Variants in KAZN observed in about 807,000 individuals in gnomAD.
KAZN encodes kazrin, periplakin interacting protein, also known as kazrin.
Under a neutral mutation model 87.4 loss-of-function variants are expected in KAZN, and 40 were observed. The ratio of observed to expected loss-of-function variants is 0.46; its 90% CI spans 0.36 to 0.60. KAZN has a LOEUF of 0.60. KAZN is among the 20% of genes least tolerant of loss of function. The pLI is 0.00. For synonymous variants in KAZN, 466 were observed against 458.3 expected (o/e 1.02, Z -0.22); for missense variants, 898 against 1,073.9 (o/e 0.84, Z 2.29).
At chr1:15,035,010 T>G in intron 3 of KAZN, 125 bp downstream of exon 3, 1 of 1,206,026 alleles carries the variant, frequency 8.3e-7, no homozygotes, top group South Asian at 1.4e-5. Context: ...GCCCTTGATG[T>G]GTCCAGCCAG....
chr1:13,973,946 A>G (rs1299040911), intron 1 of KAZN, among the ~76,000 whole-genome samples: 1 of 152,204 alleles, frequency 6.6e-6, no homozygotes, highest in Non-Finnish European at 1.5e-5. Context: ...AAGACTATGC[A>G]TATCGTCATA....
intron 1 of KAZN, among the ~76,000 whole-genome samples, chr1:14,801,828 C>T (rs1646037928): frequency 6.6e-6 from 1 of 150,976 alleles, no homozygotes; most frequent in Non-Finnish European, 1.5e-5. Flanking sequence ...GGACTACAGG[C>T]ACCCGCCATC....
chr1:14,585,322 A>G (rs1191542051), intron 2 of KAZN, among the ~76,000 whole-genome samples: 3 of 152,216 alleles, frequency 2.0e-5, no homozygotes, highest in African/African-American at 7.2e-5. Flanking sequence ...CTGTGCAACA[A>G]ACAGCCTCAG....
At chr1:13,911,766 TA>T (rs1348217130) in intron 1 of KAZN, among the ~76,000 whole-genome samples, 3 of 152,134 alleles carry the variant, frequency 2.0e-5, no homozygotes, top group Non-Finnish European at 4.4e-5. Context: ...AGTCCTTAAA[TA>T]AAAAATGTTA....
intron 2 of KAZN, among the ~76,000 whole-genome samples, chr1:14,522,434 A>C (rs1671635648): frequency 6.6e-6 from 1 of 152,172 alleles, no homozygotes; most frequent in South Asian, 2.1e-4. Flanking sequence ...TGCTCTCCTA[A>C]TTTGATCCTG....
At chr1:14,251,098 T>C (rs921618299) in intron 2 of KAZN, among the ~76,000 whole-genome samples, 1 of 152,178 alleles carries the variant, frequency 6.6e-6, no homozygotes, top group African/African-American at 2.4e-5. Flanking sequence ...AACTATGTAA[T>C]CTATGCTTGT....
intron 2 of KAZN, among the ~76,000 whole-genome samples, chr1:14,984,689 A>T (rs1666595295): frequency 6.6e-6 from 1 of 152,190 alleles, no homozygotes; most frequent in African/African-American, 2.4e-5. Context: ...GATGCCAGGC[A>T]TGAGGCAGTG....
At chr1:14,423,510 C>T (rs761267070) in intron 2 of KAZN, among the ~76,000 whole-genome samples, 2 of 152,120 alleles carry the variant, frequency 1.3e-5, no homozygotes, top group African/African-American at 4.8e-5. Flanking sequence ...CTATCCAGAA[C>T]CCAGCTTTTG....
At chr1:14,213,657 A>C (rs189928218) in intron 2 of KAZN, among the ~76,000 whole-genome samples, 42 of 152,358 alleles carry the variant, frequency 2.8e-4, no homozygotes, top group Admixed American at 2.4e-3. Flanking sequence ...TTTGGCTTTT[A>C]CTTTCAAGAA....
chr1:14,111,413 TG>T (rs201481537), intron 1 of KAZN, among the ~76,000 whole-genome samples: 3,389 of 135,496 alleles, frequency 0.025, 675 homozygotes, highest in Non-Finnish European at 0.037. Flanking sequence ...AAGGAACTAC[TG>T]ATCTCTATAT....
intron 4 of KAZN, among the ~76,000 whole-genome samples, 177 bp from the exon 5 acceptor site, chr1:15,055,914 C>G (rs555193479): frequency 9.8e-5 from 15 of 152,352 alleles, no homozygotes; most frequent in Non-Finnish European, 1.6e-4. Flanking sequence ...AACAGTTCCT[C>G]CCTCACACGG....
At chr1:14,536,577 G>T (rs1672515802) in intron 2 of KAZN, among the ~76,000 whole-genome samples, 1 of 152,088 alleles carries the variant, frequency 6.6e-6, no homozygotes, top group African/African-American at 2.4e-5. Flanking sequence ...ACATCAATTG[G>T]CCCTCCACAA....
At chr1:14,168,597 T>C (rs1645883174) in intron 1 of KAZN, among the ~76,000 whole-genome samples, 1 of 152,180 alleles carries the variant, frequency 6.6e-6, no homozygotes, top group South Asian at 2.1e-4. Context: ...TGCTACCCAT[T>C]ACAGGCTATA....
At chr1:14,047,740 C>T (rs1371242998) in intron 1 of KAZN, among the ~76,000 whole-genome samples, 1 of 152,090 alleles carries the variant, frequency 6.6e-6, no homozygotes, top group Non-Finnish European at 1.5e-5. Context: ...TGGTGGCACA[C>T]ACCTGTAATC....
intron 2 of KAZN, among the ~76,000 whole-genome samples, chr1:14,529,653 T>C (rs1299753533): frequency 1.3e-5 from 2 of 151,970 alleles, no homozygotes; most frequent in African/African-American, 4.8e-5. Context: ...GCTGCCCCAA[T>C]AGAGGAGAAG....
intron 2 of KAZN, among the ~76,000 whole-genome samples, chr1:14,259,737 G>T (rs1251482201): frequency 1.3e-5 from 2 of 152,180 alleles, no homozygotes; most frequent in Non-Finnish European, 2.9e-5. Context: ...TTGATGCAGG[G>T]CTAGACACAC....
At chr1:14,958,528 C>T (rs1279208114) in intron 1 of KAZN, among the ~76,000 whole-genome samples, 4 of 152,112 alleles carry the variant, frequency 2.6e-5, no homozygotes, top group South Asian at 2.1e-4. Context: ...CCAATGCCTC[C>T]GAGGAGCCTC....
At chr1:14,133,226 G>C (rs1645028262) in intron 1 of KAZN, among the ~76,000 whole-genome samples, 1 of 152,012 alleles carries the variant, frequency 6.6e-6, no homozygotes, top group Admixed American at 6.6e-5. Context: ...AATTAGCTGG[G>C]CATGGTGGTG....
At chr1:14,000,392 A>C (rs1187096784) in intron 1 of KAZN, among the ~76,000 whole-genome samples, 3 of 152,232 alleles carry the variant, frequency 2.0e-5, no homozygotes, top group African/African-American at 7.2e-5. Context: ...CTGGTTCAAC[A>C]TACACAAATC....
Sources: allele counts gnomAD v4.1 joint callset (sites outside exome capture counted in the v4.1 genomes callset), GRCh38; gene constraint gnomAD v4.1.1; transcripts MANE v1.5; gene names NCBI Gene and HGNC (gene_info 2026-07-23, HGNC 2026-07-21).